Variants in HBEGF observed in about 807,000 individuals in gnomAD.
HBEGF encodes the protein proheparin-binding EGF-like growth factor.
HBEGF carries 8 observed loss-of-function variants against 19.5 expected under a neutral mutation model. The ratio of observed to expected loss-of-function variants is 0.41; its 90% CI spans 0.24 to 0.74. The LOEUF (loss-of-function observed/expected upper bound fraction) is 0.74, where lower values mean the gene tolerates loss of function less well. Among genes scored for constraint, HBEGF ranks in the 30% least tolerant of loss-of-function variants. The pLI is 0.32. For synonymous variants in HBEGF, 97 were observed against 108.9 expected, an observed-to-expected ratio of 0.89 and a Z score of 0.68; for missense variants, 207 against 256.9, an observed-to-expected ratio of 0.81 and a Z score of 1.33.
rs1766398467 is a variant in HBEGF, at chr5:140,346,228, C to T, written c.46+55G>A. The T allele has an allele frequency of 6.4e-7, 1 of 1,570,350 alleles. No homozygotes were observed. The highest frequency in any genetic ancestry group is 8.6e-7 in the Non-Finnish European group (1 of 1,159,368). ...CGCTGCGGCGACCTTCCCCCATGCC[C>T]CCAGCACAACGCCCCCATCCCCCCG... is the stretch of plus-strand genomic sequence containing the variant. On this transcript the variant is annotated intron_variant, in intron 1 of 5. Transcript: ENST00000230990. The surrounding 1 kb of genome is among the most constrained non-coding windows in gnomAD (Gnocchi z 6.1).
chr5:140,333,507 A>G lies in HBEGF; in HGVS notation c.*792T>C, dbSNP rs1766184414. 1 of 152,728 alleles carries G rather than the reference A, an allele frequency of 6.5e-6. No individual in the cohort carries two copies. Among genetic ancestry groups the G allele is most frequent in the Non-Finnish European group, 1.5e-5 (1 of 68,034 alleles). 9.5% of individuals were successfully genotyped at this position (152,728 alleles called of 1,614,324 possible). A position where few individuals can be genotyped will look rare whatever the true frequency, so the allele number is the denominator to read the frequency against. On this transcript the variant is annotated 3_prime_UTR_variant, in exon 6 of 6. Transcript: ENST00000230990. ...AAGATCTGCAGAAATGTAGACAGAC[A>G]ATAAATTACTACAGATGGGTCACAG...
chr5:140,345,072 G>C (rs11465436), intron 2 of HBEGF, among the ~76,000 whole-genome samples: 12 of 152,344 alleles, frequency 7.9e-5, no homozygotes, highest in African/African-American at 2.6e-4. Context: ...GAGAAGGGCA[G>C]CTGAGGAGCA....
chr5:140,343,084 T>C (rs1426637115), intron 2 of HBEGF: 1 of 415,776 alleles, frequency 2.4e-6, no homozygotes, highest in Non-Finnish European at 4.3e-6. Flanking sequence ...ATTCTCAGAA[T>C]GCTTTTGTTG....
chr5:140,339,088 G>A (rs1343370718), intron 3 of HBEGF, among the ~76,000 whole-genome samples: 1 of 152,172 alleles, frequency 6.6e-6, no homozygotes, highest in East Asian at 1.9e-4. Context: ...CAAATGAAAG[G>A]GCTTTATAAA....
intron 3 of HBEGF, among the ~76,000 whole-genome samples, chr5:140,339,581 C>T (rs1322765741): frequency 2.0e-5 from 3 of 151,858 alleles, no homozygotes; most frequent in African/African-American, 7.3e-5. Context: ...TTAGTAGAGA[C>T]GGGGGTTTCT....
intron 5 of HBEGF, 76 bp downstream of exon 5, chr5:140,334,581 AT>A (rs1766199175): frequency 1.0e-6 from 1 of 966,714 alleles, no homozygotes; most frequent in East Asian, 2.4e-5. Flanking sequence ...TATATGAAGA[AT>A]TCAGCACCCA....
In HBEGF at chr5:140,346,239, G is replaced by GC. The variant is rs751879038; in HGVS notation, c.46+43dup. The stretch of plus-strand genomic sequence containing the variant: ...CCTTCCCCCATGCCCCCAGCACAAC[G>GC]CCCCCATCCCCCCGATCTCCGGGGG... On this transcript the variant is annotated intron_variant, in intron 1 of 5. Coordinates refer to ENST00000230990, the MANE Select transcript of HBEGF (RefSeq NM_001945.3). The surrounding 1 kb of genome is among the most constrained non-coding windows in gnomAD (Gnocchi z 6.1). 1 of 1,578,776 alleles carries GC rather than the reference G, an allele frequency of 6.3e-7. No individual in the cohort carries two copies. Among genetic ancestry groups the GC allele is most frequent in the Non-Finnish European group, 8.6e-7 (1 of 1,163,936 alleles).
rs950203628 is a variant in HBEGF, at chr5:140,346,587, A to G, written c.-259T>C. On this transcript the variant is annotated 5_prime_UTR_variant, in exon 1 of 6. Transcript: ENST00000230990. The surrounding 1 kb of genome is among the most constrained non-coding windows in gnomAD (Gnocchi z 6.1). Reference sequence around the variant, plus strand: ...GGCCAGCCAGCAGCGTGGCCCGCGTAGCTCCTTCGGCCGAATGAGCGCTGC... The same window carrying G: ...GGCCAGCCAGCAGCGTGGCCCGCGTGGCTCCTTCGGCCGAATGAGCGCTGC... 7.7e-5 allele frequency: 41 copies of G among 531,808 alleles called. No homozygotes were observed. Among genetic ancestry groups the G allele is most frequent in the Non-Finnish European group, 2.0e-5 (6 of 301,092 alleles). 32.9% of individuals were successfully genotyped at this position (531,808 alleles called of 1,614,324 possible).
rs1766396662 is a variant in HBEGF, at chr5:140,346,151, G to A, written c.47-67C>T. Reference sequence around the variant, plus strand: ...CCCCTGACCAACACGCACCGATGCCGACGCCCGTCCGCCAGAGCGCAAGGG... The same window carrying A: ...CCCCTGACCAACACGCACCGATGCCAACGCCCGTCCGCCAGAGCGCAAGGG... On this transcript the variant is annotated intron_variant, in intron 1 of 5. Transcript: ENST00000230990. The surrounding 1 kb of genome is among the most constrained non-coding windows in gnomAD (Gnocchi z 6.1). The A allele has an allele frequency of 1.0e-5, 16 of 1,568,878 alleles. No individual in the cohort carries two copies. The highest frequency in any genetic ancestry group is 1.3e-5 in the Non-Finnish European group (15 of 1,158,362).
chr5:140,343,967 A>C (rs1261188106), intron 2 of HBEGF, among the ~76,000 whole-genome samples: 2 of 152,092 alleles, frequency 1.3e-5, no homozygotes, highest in Middle Eastern at 3.4e-3. Context: ...CAAAAATCTC[A>C]TCTCTACAAA....
chr5:140,334,705 C>A lies in HBEGF; in HGVS notation c.598G>T (p.Val200Leu). The A allele has an allele frequency of 6.2e-7, 1 of 1,613,978 alleles. No homozygotes were observed. Among genetic ancestry groups the A allele is most frequent in the Non-Finnish European group, 8.5e-7 (1 of 1,179,866 alleles). Residue 200 changes from valine to leucine, a missense_variant, in exon 5 of 6, where the codon GTG (valine) becomes TTG (leucine). Transcript: ENST00000230990. ...TGGGAATTAGTCATGCCCAACTTCA[C>A]TTTCTCTTCATTTTCCACATCATAA... ...GGYDVENEEK[V>L]KLGMTNSH
At position 140,345,942 on chromosome 5, in the gene HBEGF, G is replaced by A; in HGVS notation, c.189C>T (p.Asp63=). The part of the protein sequence containing the change: ...LGGGRDRKVR[D]LQEADLDLLR... ...AAAGGTCCAGATCTGCCTCTTGCAA[G>A]TCACGGACTTTCCGGTCCCGGCCGC... The change falls in exon 2 of 6, where the codon GAC becomes GAT. Residue 63 remains aspartate, a synonymous_variant. Transcript: ENST00000230990. 2 of 1,614,228 alleles carry A rather than the reference G, an allele frequency of 1.2e-6. No homozygotes were observed. Among genetic ancestry groups the A allele is most frequent in the Non-Finnish European group, 1.7e-6 (2 of 1,180,032 alleles).
At chr5:140,343,368 A>G (rs1178273039) in intron 2 of HBEGF, among the ~76,000 whole-genome samples, 1 of 152,204 alleles carries the variant, frequency 6.6e-6, no homozygotes, top group Non-Finnish European at 1.5e-5. Context: ...CCTTAGTACT[A>G]TGAGCCCAGG....
At chr5:140,341,490 T>C (rs1419133777) in intron 3 of HBEGF, among the ~76,000 whole-genome samples, 1 of 152,084 alleles carries the variant, frequency 6.6e-6, no homozygotes, top group Non-Finnish European at 1.5e-5. Context: ...CTGACAAGGA[T>C]GTTATAGGAA....
chr5:140,339,886 A>G (rs1451868061), intron 3 of HBEGF, among the ~76,000 whole-genome samples: 1 of 152,204 alleles, frequency 6.6e-6, no homozygotes, highest in Non-Finnish European at 1.5e-5. Context: ...GAACGTGCAC[A>G]GATGTCACAT....
chr5:140,342,674 T>G lies in HBEGF; in HGVS notation c.359A>C (p.Glu120Ala), dbSNP rs1287191886. The change falls in exon 3 of 6, where the codon GAA (glutamate) becomes GCA (alanine). Residue 120 changes from glutamate to alanine, a missense_variant. By Grantham distance (107) the Glu-to-Ala change is moderately radical. Transcript: ENST00000230990. ...CCGGAGCTCCTTCACATATTTGCAT[T>G]CTCCATGGATGCAGAAGTCCTTGTA... ...RKYKDFCIHGECKYVKELRAP... is the reference protein window; with the variant it reads ...RKYKDFCIHGACKYVKELRAP... 6.2e-7 allele frequency: 1 copy of G among 1,614,054 alleles called. No individual in the cohort carries two copies. The highest frequency in any genetic ancestry group is 2.2e-5 in the East Asian group (1 of 44,890).
At chr5:140,345,442 A>G (rs1040126670) in intron 2 of HBEGF, among the ~76,000 whole-genome samples, 4 of 152,128 alleles carry the variant, frequency 2.6e-5, no homozygotes, top group African/African-American at 7.2e-5. Context: ...TGTTTCCCCA[A>G]TCTGGAGACA....
chr5:140,339,229 G>T (rs1361017018), intron 3 of HBEGF, among the ~76,000 whole-genome samples: 1 of 152,074 alleles, frequency 6.6e-6, no homozygotes, highest in Non-Finnish European at 1.5e-5. Flanking sequence ...CTTAGCACCT[G>T]GGCAGTGAGG....
chr5:140,346,376 G>C lies in HBEGF; in HGVS notation c.-48C>G. The C allele has an allele frequency of 6.3e-7, 1 of 1,579,388 alleles. No homozygotes were observed. Among genetic ancestry groups the C allele is most frequent in the Non-Finnish European group, 8.6e-7 (1 of 1,162,814 alleles). ...GCGAGGCACCAGTCACTTTCGAAGC[G>C]GCGGCCACTGGGCGCTGGCACCAGA... On this transcript the variant is annotated 5_prime_UTR_variant, in exon 1 of 6. Transcript: ENST00000230990. The surrounding 1 kb of genome is among the most constrained non-coding windows in gnomAD (Gnocchi z 6.1).
Sources: gnomAD v4.1 joint callset for allele counts (sites outside exome capture counted in the v4.1 genomes callset) on GRCh38, gnomAD v4.1.1 for gene constraint, Gnocchi (gnomAD v3.1) non-coding constraint, MANE v1.5 for transcripts, NCBI Gene and HGNC (gene_info 2026-07-23, HGNC 2026-07-21) for gene names.